Variants in EVA1C observed in about 807,000 individuals in gnomAD.
EVA1C encodes protein eva-1 homolog C.
Under a neutral mutation model 45.4 loss-of-function variants are expected in EVA1C, and 25 were observed. The ratio of observed to expected loss-of-function variants is 0.55; its 90% CI spans 0.40 to 0.77. The LOEUF is 0.77. Among genes scored for constraint, EVA1C ranks in the 30% least tolerant of loss-of-function variants. EVA1C has a pLI of 0.00. For missense variants in EVA1C, 479 were observed against 554.8 expected (o/e 0.86, Z 1.37); for synonymous variants, 190 against 221.2 (o/e 0.86, Z 1.25).
At chr21:32,449,923 G>A (rs1036959347) in intron 1 of EVA1C, among the ~76,000 whole-genome samples, 4 of 152,094 alleles carry the variant, frequency 2.6e-5, no homozygotes, top group South Asian at 2.1e-4. Context: ...ACAACTGGCC[G>A]GGCCTAGGTT....
chr21:32,413,423 G>A (rs1324481768), intron 1 of EVA1C, among the ~76,000 whole-genome samples: 1 of 152,230 alleles, frequency 6.6e-6, no homozygotes, highest in Non-Finnish European at 1.5e-5. Flanking sequence ...GCCCATGTAA[G>A]GAGACTAGCC....
intron 5 of EVA1C, among the ~76,000 whole-genome samples, chr21:32,496,281 A>T (rs2037350597): frequency 6.6e-6 from 1 of 152,128 alleles, no homozygotes; most frequent in South Asian, 2.1e-4. Context: ...TGGCTTCCTT[A>T]CTTAGCATCT....
chr21:32,470,558 T>C (rs529698900), intron 4 of EVA1C, among the ~76,000 whole-genome samples: 1 of 152,312 alleles, frequency 6.6e-6, no homozygotes, highest in Admixed American at 6.5e-5. Context: ...TGTGAGCTCC[T>C]GAACCCCATC....
At chr21:32,463,432 A>AT in intron 3 of EVA1C, among the ~76,000 whole-genome samples, 1 of 152,162 alleles carries the variant, frequency 6.6e-6, no homozygotes, top group Non-Finnish European at 1.5e-5. Context: ...TAGTTTCCTA[A>AT]TTTTTTATAA....
intron 1 of EVA1C, among the ~76,000 whole-genome samples, chr21:32,443,720 G>A (rs2035263595): frequency 6.6e-6 from 1 of 152,076 alleles, no homozygotes; most frequent in Admixed American, 6.5e-5. Context: ...AATTCCTAGT[G>A]CTCTCTTTTA....
At chr21:32,422,976 C>A (rs1202127563) in intron 1 of EVA1C, among the ~76,000 whole-genome samples, 1 of 142,868 alleles carries the variant, frequency 7.0e-6, no homozygotes, top group South Asian at 2.3e-4. Context: ...GAGGCTGAGG[C>A]AGGAGAATCG....
chr21:32,479,968 T>C (rs1366505231), intron 4 of EVA1C, among the ~76,000 whole-genome samples: 1 of 152,154 alleles, frequency 6.6e-6, no homozygotes, highest in African/African-American at 2.4e-5. Context: ...CATGCCTTGG[T>C]AAACTTTTTC....
chr21:32,503,442 A>T (rs771325983), intron 6 of EVA1C, among the ~76,000 whole-genome samples: 4 of 152,288 alleles, frequency 2.6e-5, no homozygotes, highest in Non-Finnish European at 5.9e-5. Flanking sequence ...GCTACTCAGG[A>T]GGCTGAGGCA....
intron 1 of EVA1C, among the ~76,000 whole-genome samples, chr21:32,428,176 G>A (rs1337010984): frequency 2.0e-5 from 3 of 152,148 alleles, no homozygotes; most frequent in Admixed American, 6.6e-5. Context: ...GCGTGGAGGC[G>A]ACTTTCTGCT....
chr21:32,507,719 TG>T (rs1477097016), intron 7 of EVA1C, among the ~76,000 whole-genome samples: 1 of 151,414 alleles, frequency 6.6e-6, no homozygotes, highest in Admixed American at 6.6e-5. Flanking sequence ...TGTGTGTGCA[TG>T]TGTGTGCATA....
intron 3 of EVA1C, among the ~76,000 whole-genome samples, chr21:32,459,567 G>A (rs1250830031): frequency 2.0e-5 from 3 of 151,950 alleles, no homozygotes; most frequent in Non-Finnish European, 2.9e-5. Context: ...CTTGGCTGGG[G>A]GCGGTGGCTC....
At chr21:32,469,295 G>A (rs73353051) in intron 4 of EVA1C, among the ~76,000 whole-genome samples, 1,887 of 152,334 alleles carry the variant, frequency 0.012, 32 homozygotes, top group Admixed American at 0.038. Context: ...GGCAGGTGGA[G>A]AAGGCCAGGG....
At chr21:32,507,798 A>C (rs1010604771) in intron 7 of EVA1C, among the ~76,000 whole-genome samples, 4 of 141,730 alleles carry the variant, frequency 2.8e-5, no homozygotes, top group Non-Finnish European at 6.1e-5. Flanking sequence ...GCATATGTGT[A>C]TCTCTGTGTG....
chr21:32,491,364 T>C (rs895232885), intron 4 of EVA1C, among the ~76,000 whole-genome samples: 5 of 151,764 alleles, frequency 3.3e-5, no homozygotes, highest in Admixed American at 2.0e-4. Context: ...GGGTTGGGGA[T>C]CTTAAGCAGG....
At chr21:32,416,206 TTGTGTG>T (rs113090077) in intron 1 of EVA1C, among the ~76,000 whole-genome samples, 12 of 150,066 alleles carry the variant, frequency 8.0e-5, no homozygotes, top group Admixed American at 6.7e-4. Flanking sequence ...ACTTACTGTT[TTGTGTG>T]TGTGTGTGTG....
chr21:32,487,811 T>A (rs1037974016), intron 4 of EVA1C, among the ~76,000 whole-genome samples: 2 of 152,128 alleles, frequency 1.3e-5, no homozygotes, highest in African/African-American at 4.8e-5. Context: ...ATCTCTAACA[T>A]TCGGCTCCTC....
chr21:32,470,121 T>C (rs2036314577), intron 4 of EVA1C, among the ~76,000 whole-genome samples: 1 of 152,158 alleles, frequency 6.6e-6, no homozygotes, highest in Non-Finnish European at 1.5e-5. Context: ...ATATGTTAAA[T>C]TGCTACAATG....
At chr21:32,472,839 A>C (rs1186728841) in intron 4 of EVA1C, among the ~76,000 whole-genome samples, 1 of 152,260 alleles carries the variant, frequency 6.6e-6, no homozygotes, top group African/African-American at 2.4e-5. Flanking sequence ...CAAGGTAAAA[A>C]GCTCCAGCTC....
intron 3 of EVA1C, among the ~76,000 whole-genome samples, 177 bp from the exon 4 acceptor site, chr21:32,467,519 C>T (rs1453044202): frequency 6.6e-6 from 1 of 152,194 alleles, no homozygotes; most frequent in African/African-American, 2.4e-5. Context: ...TTCCCACCCG[C>T]TTCCTGCAGA....
Sources: gnomAD v4.1 joint callset for allele counts (sites outside exome capture counted in the v4.1 genomes callset) on GRCh38, gnomAD v4.1.1 for gene constraint, MANE v1.5 for transcripts, NCBI Gene and HGNC (gene_info 2026-07-23, HGNC 2026-07-21) for gene names.